Variants in PLXNA4 observed in about 807,000 individuals in gnomAD.
The protein encoded by PLXNA4 is plexin A4.
A neutral mutation model predicts 191.8 loss-of-function variants in PLXNA4; 44 were observed. The ratio of observed to expected loss-of-function variants is 0.23; its 90% CI spans 0.18 to 0.29. The LOEUF is 0.29. Ranked by LOEUF, PLXNA4 falls within the 10% of genes least tolerant of loss-of-function variation. PLXNA4 has a pLI of 1.00. For synonymous variants in PLXNA4, 1,082 were observed against 1,009.5 expected (o/e 1.07, Z -1.36); for missense variants, 1,800 against 2,488.8 (o/e 0.72, Z 5.89).
chr7:132,597,753 T>C (rs1178169058), intron 2 of PLXNA4, among the ~76,000 whole-genome samples: 1 of 152,184 alleles, frequency 6.6e-6, no homozygotes, highest in Non-Finnish European at 1.5e-5. Flanking sequence ...AGAATTTTAA[T>C]TTACATACAT....
intron 1 of PLXNA4, among the ~76,000 whole-genome samples, chr7:132,546,905 T>C (rs551846444): frequency 6.6e-6 from 1 of 152,130 alleles, no homozygotes; most frequent in African/African-American, 2.4e-5. Context: ...CCCATGAGAT[T>C]CACAAAATGA....
rs1048872750 is a variant in PLXNA4, at chr7:132,575,793, C to G, written c.-87+629G>C. On this transcript the variant is annotated intron_variant, in intron 1 of 31. Transcript: ENST00000321063. ...GAAGCAGTGCCACGCTTCAGAAAGG[C>G]GTTTGTGCTGCCTCTTACTGGGGAA... 3.9e-5 allele frequency among the ~76,000 whole-genome samples: 6 copies of G among 152,322 alleles called. No individual in the cohort carries two copies. In the East Asian group the frequency reaches 7.7e-4, roughly 20 times the overall value.
chr7:132,648,458 G>A (rs1803927627), intron 1 of PLXNA4: 2 of 152,216 alleles, frequency 1.3e-5, no homozygotes, highest in African/African-American at 4.8e-5. Context: ...CAGTAATGCT[G>A]CTCAGTATCC....
intron 3 of PLXNA4, among the ~76,000 whole-genome samples, chr7:132,455,972 C>T (rs992078674): frequency 1.8e-4 from 28 of 152,188 alleles, no homozygotes; most frequent in South Asian, 4.1e-4. Context: ...ACAGGATGGA[C>T]GAGAGAAGGT....
chr7:132,640,908 T>C (rs1045169952), intron 2 of PLXNA4, among the ~76,000 whole-genome samples: 9 of 152,204 alleles, frequency 5.9e-5, no homozygotes, highest in African/African-American at 2.2e-4. Context: ...AAAAGGGGAA[T>C]AAAAGCAAAA....
At chr7:132,623,703 G>A (rs2116870102) in intron 2 of PLXNA4, among the ~76,000 whole-genome samples, 1 of 152,200 alleles carries the variant, frequency 6.6e-6, no homozygotes, top group East Asian at 1.9e-4. Context: ...TGGGACCCTG[G>A]GGCTCTACAG....
chr7:132,355,908 G>T (rs1284969182), intron 3 of PLXNA4, among the ~76,000 whole-genome samples: 1 of 152,082 alleles, frequency 6.6e-6, no homozygotes, highest in African/African-American at 2.4e-5. Flanking sequence ...ATGATAGAGG[G>T]TAGATTTCTA....
At chr7:132,497,122 G>GCACGCACA (rs1798054010) in intron 2 of PLXNA4, among the ~76,000 whole-genome samples, 1 of 150,186 alleles carries the variant, frequency 6.7e-6, no homozygotes, top group Non-Finnish European at 1.5e-5. Flanking sequence ...GTGCACGCAC[G>GCACGCACA]CACACACACA....
At chr7:132,176,505 A>T (rs1253483932) in intron 20 of PLXNA4, among the ~76,000 whole-genome samples, 2 of 152,020 alleles carry the variant, frequency 1.3e-5, no homozygotes, top group Non-Finnish European at 2.9e-5. Context: ...CACTTGTCTG[A>T]GTGTGTATGT....
At chr7:132,400,468 G>C (rs976831455) in intron 3 of PLXNA4, among the ~76,000 whole-genome samples, 7 of 152,134 alleles carry the variant, frequency 4.6e-5, no homozygotes, top group African/African-American at 1.7e-4. Context: ...AAATCAAGCA[G>C]GTAGTTCAAG....
At chr7:132,205,154 C>T (rs1305262133) in intron 10 of PLXNA4, among the ~76,000 whole-genome samples, 1 of 152,216 alleles carries the variant, frequency 6.6e-6, no homozygotes, top group Non-Finnish European at 1.5e-5. Context: ...AGAACTCAAT[C>T]ATCACCTCCC....
At chr7:132,308,023 A>C (rs778083647) in intron 3 of PLXNA4, among the ~76,000 whole-genome samples, 2 of 152,096 alleles carry the variant, frequency 1.3e-5, no homozygotes, top group African/African-American at 4.8e-5. Flanking sequence ...GCGATGTCCA[A>C]ACCAAAAAGA....
At chr7:132,470,576 G>A (rs568380102) in intron 3 of PLXNA4, among the ~76,000 whole-genome samples, 12 of 152,270 alleles carry the variant, frequency 7.9e-5, no homozygotes, top group African/African-American at 2.4e-4. Context: ...ATGGCAAAAG[G>A]GACTTGGAAG....
In PLXNA4 at chr7:132,225,331, G is replaced by A. The variant is rs184674941; in HGVS notation, c.1982+830C>T. ...GCTGTCCTGCAGGGTAGGCAGAGCC[G>A]ATATTCAGAGCTAGCAGCCAGCACA... On this transcript the variant is annotated intron_variant, in intron 8 of 31. Transcript: ENST00000321063. Among the ~76,000 whole-genome samples the A allele has an allele frequency of 7.9e-3, 1,197 of 152,318 alleles. 6 individuals are homozygous for A. Among genetic ancestry groups the A allele is most frequent in the Non-Finnish European group, 0.011 (760 of 68,038 alleles).
chr7:132,266,220 C>T (rs1043342402), intron 4 of PLXNA4: 3 of 152,044 alleles, frequency 2.0e-5, no homozygotes, highest in African/African-American at 7.2e-5. Flanking sequence ...TTTAAAAATC[C>T]ATCACAATCA....
upstream of PLXNA4, chr7:132,577,034 CG>C (rs1802274914): frequency 6.8e-6 from 1 of 146,404 alleles, no homozygotes; most frequent in Admixed American, 6.8e-5. Flanking sequence ...CCGAGACACT[CG>C]CCGGGCAGTG....
At chr7:132,309,567 T>C (rs909339515) in intron 3 of PLXNA4, among the ~76,000 whole-genome samples, 2 of 151,750 alleles carry the variant, frequency 1.3e-5, no homozygotes, top group Non-Finnish European at 2.9e-5. Flanking sequence ...GACAAAGGGG[T>C]TAATGCCTGC....
At position 132,489,477 on chromosome 7, in the gene PLXNA4, G is replaced by A. The variant is rs770073489; in HGVS notation, c.1189-3C>T. ...AAGTTATCGTCAATGGTTAAGAGCT[G>A]CAAATTTTAAAAAGAGAAAAATTAG... is the stretch of plus-strand genomic sequence containing the variant. On this transcript the variant is annotated splice_region_variant and splice_polypyrimidine_tract_variant and intron_variant, in intron 2 of 31. Coordinates refer to ENST00000321063, the MANE Select transcript of PLXNA4 (RefSeq NM_020911.2). The A allele has an allele frequency of 6.5e-7, 1 of 1,545,918 alleles. No homozygotes were observed. Among genetic ancestry groups the A allele is most frequent in the South Asian group, 1.2e-5 (1 of 83,832 alleles).
rs1365808256 is a variant in PLXNA4, at chr7:132,129,583, T to C, written c.*896A>G. ...TGGTAGTGGACTAGACCTATGACTATGATTGTGACTCATTTGAATTTGAGG... is the reference window on the plus strand; with the variant it reads ...TGGTAGTGGACTAGACCTATGACTACGATTGTGACTCATTTGAATTTGAGG... On this transcript the variant is annotated 3_prime_UTR_variant, in exon 32 of 32. Coordinates refer to ENST00000321063, the MANE Select transcript of PLXNA4 (RefSeq NM_020911.2). 1 of 152,428 alleles carries C rather than the reference T, an allele frequency of 6.6e-6. No homozygotes were observed. The allele number at this position is 152,428 out of a possible 1,614,324, so 9.4% of individuals were successfully genotyped here. A position where few individuals can be genotyped will look rare whatever the true frequency, so the allele number is the denominator to read the frequency against.
Sources: gnomAD v4.1 joint callset for allele counts (sites outside exome capture counted in the v4.1 genomes callset) on GRCh38, gnomAD v4.1.1 for gene constraint, MANE v1.5 for transcripts, NCBI Gene and HGNC (gene_info 2026-07-23, HGNC 2026-07-21) for gene names.